The following CTNNA3 variants were observed in gnomAD, a reference collection of about 807,000 sequenced individuals.
CTNNA3 encodes catenin alpha-3.
CTNNA3 carries 76 observed loss-of-function variants against 95.7 expected under a neutral mutation model. The observed-to-expected ratio is 0.79, with a 90% CI of 0.66 to 0.96. The LOEUF is 0.96. Ranked by LOEUF, CTNNA3 falls within the 40% of genes least tolerant of loss-of-function variation. CTNNA3 has a pLI of 0.00. For missense variants in CTNNA3, 1,191 were observed against 1,089.8 expected (o/e 1.09, Z -1.31); for synonymous variants, 431 against 374.4 (o/e 1.15, Z -1.74).
At chr10:65,965,393 C>CT (rs561552884) in intron 17 of CTNNA3, among the ~76,000 whole-genome samples, 2,880 of 77,588 alleles carry the variant, frequency 0.037, 760 homozygotes, top group East Asian at 0.043. Flanking sequence ...CTCCCCTCTA[C>CT]TTTTTTTTTT....
At chr10:67,640,555 T>G (rs1187126592) in intron 2 of CTNNA3, among the ~76,000 whole-genome samples, 2 of 152,220 alleles carry the variant, frequency 1.3e-5, no homozygotes. Context: ...AAGTCAATCC[T>G]AAGCCAAAAG....
At chr10:67,017,609 A>C (rs1183199291) in intron 7 of CTNNA3, among the ~76,000 whole-genome samples, 1 of 152,120 alleles carries the variant, frequency 6.6e-6, no homozygotes, top group East Asian at 1.9e-4. Flanking sequence ...TCTACCTACA[A>C]CACCAGCCAT....
chr10:66,633,354 T>C (rs1845212465), intron 9 of CTNNA3, among the ~76,000 whole-genome samples: 3 of 152,218 alleles, frequency 2.0e-5, no homozygotes. Context: ...AGTGAGATAC[T>C]GCAGAATGGA....
chr10:66,555,500 G>A (rs955575628), intron 10 of CTNNA3, among the ~76,000 whole-genome samples: 1 of 152,048 alleles, frequency 6.6e-6, no homozygotes, highest in Non-Finnish European at 1.5e-5. Flanking sequence ...AAGTGTAACT[G>A]TGCATTCCGT....
chr10:67,004,594 G>C (rs114908690), intron 7 of CTNNA3, among the ~76,000 whole-genome samples: 1 of 151,742 alleles, frequency 6.6e-6, no homozygotes, highest in Non-Finnish European at 1.5e-5. Context: ...ACCTTGATCC[G>C]TTCTAATAGA....
chr10:66,637,812 G>C (rs2132366893), intron 9 of CTNNA3, among the ~76,000 whole-genome samples: 1 of 152,268 alleles, frequency 6.6e-6, no homozygotes, highest in African/African-American at 2.4e-5. Context: ...ACAGAAGTTA[G>C]AGTCCTACCC....
chr10:67,638,069 A>G (rs946779288), intron 2 of CTNNA3, among the ~76,000 whole-genome samples: 1 of 152,206 alleles, frequency 6.6e-6, no homozygotes, highest in Non-Finnish European at 1.5e-5. Flanking sequence ...ACAGACTGGC[A>G]AATTGGATAA....
At chr10:67,219,376 C>G (rs1864539593) in intron 6 of CTNNA3, among the ~76,000 whole-genome samples, 1 of 152,140 alleles carries the variant, frequency 6.6e-6, no homozygotes, top group Non-Finnish European at 1.5e-5. Context: ...TTAACAATCC[C>G]ACTTCAAATT....
chr10:66,342,273 T>C (rs1475409166), intron 12 of CTNNA3, among the ~76,000 whole-genome samples: 1 of 152,022 alleles, frequency 6.6e-6, no homozygotes, highest in Non-Finnish European at 1.5e-5. Context: ...ATCATCACTG[T>C]TTCCTCAGAG....
At chr10:67,595,881 G>A (rs755660246) in intron 3 of CTNNA3, among the ~76,000 whole-genome samples, 6 of 152,148 alleles carry the variant, frequency 3.9e-5, no homozygotes, top group Non-Finnish European at 7.4e-5. Context: ...ATTATGAAAT[G>A]CCCTTCTTTG....
chr10:66,549,404 T>C (rs1226105081), intron 10 of CTNNA3, among the ~76,000 whole-genome samples: 2 of 152,176 alleles, frequency 1.3e-5, no homozygotes, highest in Non-Finnish European at 2.9e-5. Context: ...TCGTTTTTAT[T>C]ATTGATCTGA....
At chr10:66,384,465 G>T (rs1479279841) in intron 11 of CTNNA3, among the ~76,000 whole-genome samples, 1 of 152,074 alleles carries the variant, frequency 6.6e-6, no homozygotes, top group African/African-American at 2.4e-5. Flanking sequence ...CATACAAAAA[G>T]ACTTAGACTC....
chr10:67,015,888 T>C (rs1489336218), intron 7 of CTNNA3, among the ~76,000 whole-genome samples: 7 of 152,156 alleles, frequency 4.6e-5, no homozygotes, highest in Non-Finnish European at 1.0e-4. Context: ...CTAGTATCTA[T>C]GCTTGTGACT....
At chr10:67,357,835 T>C (rs995677794) in intron 5 of CTNNA3, among the ~76,000 whole-genome samples, 1 of 152,006 alleles carries the variant, frequency 6.6e-6, no homozygotes, top group Non-Finnish European at 1.5e-5. Flanking sequence ...AAAACAATGC[T>C]AAAAAATTAA....
chr10:67,105,998 C>T (rs955962597), intron 7 of CTNNA3, among the ~76,000 whole-genome samples: 2 of 152,170 alleles, frequency 1.3e-5, no homozygotes, highest in Non-Finnish European at 2.9e-5. Context: ...AACTTCAAAC[C>T]TGAGTTTCTT....
intron 9 of CTNNA3, among the ~76,000 whole-genome samples, chr10:66,759,477 C>T (rs74141670): frequency 9.1e-4 from 138 of 152,226 alleles, no homozygotes; most frequent in African/African-American, 3.1e-3. Context: ...AATAGATGTT[C>T]GTTTATTCAA....
chr10:65,924,411 CT>C (rs1398156205), intron 17 of CTNNA3, among the ~76,000 whole-genome samples: 1 of 152,164 alleles, frequency 6.6e-6, no homozygotes, highest in Non-Finnish European at 1.5e-5. Flanking sequence ...TGATCCTACA[CT>C]TATGTCTTTC....
At chr10:66,172,328 G>A (rs1425469093) in intron 13 of CTNNA3, among the ~76,000 whole-genome samples, 1 of 152,078 alleles carries the variant, frequency 6.6e-6, no homozygotes, top group Non-Finnish European at 1.5e-5. Context: ...TTTTCCTGCA[G>A]TAAATGTATA....
intron 7 of CTNNA3, among the ~76,000 whole-genome samples, chr10:66,830,557 AGAATTCTATTCTAAACACCTCAACC>A (rs1291574052): frequency 1.3e-5 from 2 of 152,046 alleles, no homozygotes; most frequent in African/African-American, 4.8e-5. Context: ...TGCAGCATGG[AGAATTCTATTCTAAACACCTCAACC>A]CCTCACAACT....
Sources: gnomAD v4.1 joint callset for allele counts (sites outside exome capture counted in the v4.1 genomes callset) on GRCh38, gnomAD v4.1.1 for gene constraint, MANE v1.5 for transcripts, NCBI Gene and HGNC (gene_info 2026-07-23, HGNC 2026-07-21) for gene names.